The following PCDH18 variants were observed in gnomAD, a reference collection of about 807,000 sequenced individuals.
PCDH18 encodes protocadherin 18.
PCDH18 carries 38 observed loss-of-function variants against 71.5 expected under a neutral mutation model. The ratio of observed to expected loss-of-function variants is 0.53; its 90% CI spans 0.41 to 0.70. The LOEUF (loss-of-function observed/expected upper bound fraction) is 0.70. PCDH18 is among the 30% of genes least tolerant of loss of function. PCDH18 has a pLI of 0.00. For missense variants in PCDH18, 1,334 were observed against 1,384.6 expected (o/e 0.96, Z 0.58); for synonymous variants, 565 against 505.4 (o/e 1.12, Z -1.58).
rs11541660 is a variant in PCDH18, at chr4:137,521,111, T to A, written c.3326A>T (p.Asn1109Ile). 1 of 1,614,026 alleles carries A rather than the reference T, an allele frequency of 6.2e-7. No individual in the cohort carries two copies. The highest frequency in any genetic ancestry group is 8.5e-7 in the Non-Finnish European group (1 of 1,179,878). The change falls in exon 4 of 4, where the codon AAT becomes ATT. Residue 1109 changes from asparagine (N) to isoleucine (I), a missense_variant. Asn to Ile is a moderately radical substitution (Grantham distance 149). Coordinates refer to ENST00000344876, the MANE Select transcript of PCDH18 (RefSeq NM_019035.5). ...DDFDNVLNHL[N>I]DGKHELMDAS... ...ATCCATGAGTTCGTGTTTCCCATCA[T>A]TGAGGTGGTTGAGCACATTGTCAAA...
intron 1 of PCDH18, 50 bp from the exon 2 acceptor site, chr4:137,528,870 C>G: frequency 8.2e-7 from 1 of 1,226,548 alleles, no homozygotes; most frequent in Non-Finnish European, 1.2e-6. Context: ...CCTCCAAACA[C>G]TCACAATCTT....
At chr4:137,522,533 T>C (rs1319148846) in intron 3 of PCDH18, among the ~76,000 whole-genome samples, 1 of 152,026 alleles carries the variant, frequency 6.6e-6, no homozygotes, top group African/African-American at 2.4e-5. Flanking sequence ...GACAAGGAAA[T>C]GAAAAGATGT....
rs1731632508 is a variant in PCDH18 at position 137,530,339 on chromosome 4, T to A, written c.1750A>T (p.Asn584Tyr). Residue 584 changes from asparagine (N) to tyrosine (Y), a missense_variant, in exon 1 of 4, where the codon AAT becomes TAT. Coordinates refer to ENST00000344876, the MANE Select transcript of PCDH18 (RefSeq NM_019035.5). ...PVVIGPALRNNTAEITIPKGA... is the reference protein window; with the variant it reads ...PVVIGPALRNYTAEITIPKGA... ...TTGGGAATGGTGATTTCTGCCGTAT[T>A]ATTACGCAATGCAGGCCCTATAACC... 6.2e-7 allele frequency: 1 copy of A among 1,613,436 alleles called. No homozygotes were observed. The highest frequency in any genetic ancestry group is 8.5e-7 in the Non-Finnish European group (1 of 1,179,586).
In PCDH18 at chr4:137,531,551, C is replaced by G. The variant is rs938682166; in HGVS notation, c.538G>C (p.Asp180His). The G allele has an allele frequency of 2.5e-6, 4 of 1,613,068 alleles. No individual in the cohort carries two copies. The highest frequency in any genetic ancestry group is 2.7e-5 in the African/African-American group (2 of 74,906). ...SLHTYSLSAN[D>H]FFNIEVRTRT... ...GTCCGAACCTCGATATTAAAAAAAT[C>G]ATTGGCAGAGAGCGAGTATGTGTGG... Residue 180 changes from aspartate (D) to histidine (H), a missense_variant, in exon 1 of 4, where the codon GAT (aspartate) becomes CAT (histidine). Asp to His is a moderately conservative substitution (Grantham distance 81). Transcript: ENST00000344876.
Position 137,531,616 on chromosome 4 carries a change from A to G in PCDH18, c.473T>C (p.Leu158Pro). Residue 158 changes from leucine (L) to proline (P), a missense_variant, in exon 1 of 4, where the codon CTG becomes CCG. Transcript: ENST00000344876. The part of the protein sequence containing the change: ...ESAAVGTRIP[L>P]DSAFDPDVGE... ...AACATCTGGATCAAATGCACTGTCC[A>G]GGGGAATGCGAGTCCCAACTGCTGC... is the stretch of plus-strand genomic sequence containing the variant. 4 of 1,613,962 alleles carry G rather than the reference A, an allele frequency of 2.5e-6. No individual in the cohort carries two copies. The highest frequency in any genetic ancestry group is 3.4e-6 in the Non-Finnish European group (4 of 1,179,864).
chr4:137,531,900 A>C lies in PCDH18; in HGVS notation c.189T>G (p.Thr63=). 1.2e-6 allele frequency: 2 copies of C among 1,614,096 alleles called. No homozygotes were observed. The highest frequency in any genetic ancestry group is 1.7e-6 in the Non-Finnish European group (2 of 1,179,980). The part of the protein sequence containing the change: ...DVLLKLPNPS[T]VRFRAMQRGN... ...CCCTCTGCATGGCTCGAAATCGAAC[A>C]GTAGAAGGATTAGGAAGCTTCAATA... The change falls in exon 1 of 4, where the codon ACT becomes ACG. Residue 63 remains threonine (T), a synonymous_variant. Transcript: ENST00000344876.
In PCDH18 at chr4:137,531,360, G is replaced by A. The variant is rs1305135890; in HGVS notation, c.729C>T (p.Ser243=). The change falls in exon 1 of 4, where the codon AGC becomes AGT. Residue 243 remains serine (S), a synonymous_variant. Transcript: ENST00000344876. ...KISISDSNDN[S]PAFEQQSYII... ...TATAAGATTGCTGCTCAAAAGCAGG[G>A]CTGTTGTCATTGGAGTCTGAAATGC... 1 of 1,613,726 alleles carries A rather than the reference G, an allele frequency of 6.2e-7. No individual in the cohort carries two copies. Among genetic ancestry groups the A allele is most frequent in the East Asian group, 2.2e-5 (1 of 44,850 alleles).
Position 137,530,255 on chromosome 4 carries a change from C to T in PCDH18, c.1834G>A (p.Val612Met). Residue 612 changes from valine to methionine, a missense_variant, in exon 1 of 4, where the codon GTG (valine) becomes ATG (methionine). Val to Met is a conservative substitution (Grantham distance 21). This residue lies in a region of PCDH18 where 1,011 missense variants were observed against 1,048.0 expected (regional missense o/e 0.96). Coordinates refer to ENST00000344876, the MANE Select transcript of PCDH18 (RefSeq NM_019035.5). ...RIRAIDRDSG[V>M]NAELSCAIVA... ...ATGGCGCAGCTGAGTTCAGCATTCA[C>T]ACCAGAGTCTCTGTCAATTGCCCTT... 1 of 1,614,136 alleles carries T rather than the reference C, an allele frequency of 6.2e-7. No individual in the cohort carries two copies. Among genetic ancestry groups the T allele is most frequent in the Non-Finnish European group, 8.5e-7 (1 of 1,180,022 alleles).
rs767603961 is a variant in PCDH18 at position 137,521,329 on chromosome 4, C to G, written c.3108G>C (p.Glu1036Asp). The G allele has an allele frequency of 1.7e-5, 28 of 1,614,038 alleles. No individual in the cohort carries two copies. The highest frequency in any genetic ancestry group is 2.4e-5 in the Non-Finnish European group (28 of 1,180,030). ...TGGCTGGCAAGGGTCCCTTCCTGCG[C>G]TCCAGGGAGTTGGACCGATCCACCT... ...CSEVDRSNSL[E>D]RRKGPLPAKT... The change falls in exon 4 of 4, where the codon GAG becomes GAC. Residue 1036 changes from glutamate (E) to aspartate (D), a missense_variant. Physicochemically the swap from Glu to Asp is conservative, Grantham distance 45. Around this residue, in one of 3 missense-constraint regions of PCDH18, gnomAD observed 319 missense variants for 316.3 expected, o/e 1.01. Transcript: ENST00000344876.
rs1283286229 is a variant in PCDH18, at chr4:137,531,957, A to C, written c.132T>G (p.Ile44Met). The change falls in exon 1 of 4, where the codon ATT (isoleucine) becomes ATG (methionine). Residue 44 changes from isoleucine (I) to methionine (M), a missense_variant. Physicochemically the swap from Ile to Met is conservative, Grantham distance 10. This residue lies in a region of PCDH18 where 1,011 missense variants were observed against 1,048.0 expected (regional missense o/e 0.96). Coordinates refer to ENST00000344876, the MANE Select transcript of PCDH18 (RefSeq NM_019035.5). ...CAGCCACATCCTCTGATAGTCTTGC[A>C]ATTACTGATCCAACCCTCTGTTCCT... ...IYEEQRVGSVIARLSEDVADV... is the reference protein window; with the variant it reads ...IYEEQRVGSVMARLSEDVADV... The C allele has an allele frequency of 6.2e-7, 1 of 1,614,068 alleles. No homozygotes were observed. Among genetic ancestry groups the C allele is most frequent in the Admixed American group, 1.7e-5 (1 of 60,010 alleles).
chr4:137,528,460 C>T lies in PCDH18; in HGVS notation c.2740+18G>A, dbSNP rs2149214691. 3 of 1,605,836 alleles carry T rather than the reference C, an allele frequency of 1.9e-6. No homozygotes were observed. The highest frequency in any genetic ancestry group is 1.1e-5 in the South Asian group (1 of 89,886). ...CGGTAGACCTGAAAATAAAGATTTT[C>T]TATCACTACCCTCTTACCTGCTGGA... On this transcript the variant is annotated intron_variant, in intron 3 of 3. Transcript: ENST00000344876.
Position 137,530,556 on chromosome 4 carries a change from T to G in PCDH18, c.1533A>C (p.Gly511=). The change falls in exon 1 of 4, where the codon GGA becomes GGC. Residue 511 remains glycine (G), a synonymous_variant. Coordinates refer to ENST00000344876, the MANE Select transcript of PCDH18 (RefSeq NM_019035.5). Reference sequence around the variant, plus strand: ...TGGTTACATATGTAGTTATGGAACTTCCTAGAATAAAACTCTCCAAGATGG... The same window carrying G: ...TGGTTACATATGTAGTTATGGAACTGCCTAGAATAAAACTCTCCAAGATGG... ...TYTILESFIL[G]SSITTYVTID... is the part of the protein sequence containing the mutation. The G allele has an allele frequency of 6.2e-7, 1 of 1,614,066 alleles. No homozygotes were observed. The highest frequency in any genetic ancestry group is 8.5e-7 in the Non-Finnish European group (1 of 1,179,942).
At chr4:137,523,859 C>T (rs1407768318) in intron 3 of PCDH18, among the ~76,000 whole-genome samples, 1 of 151,960 alleles carries the variant, frequency 6.6e-6, no homozygotes, top group Non-Finnish European at 1.5e-5. Context: ...ATAAGTGAAG[C>T]TTTAATTATA....
At position 137,519,316 on chromosome 4, in the gene PCDH18, C is replaced by A. The variant is rs112901634; in HGVS notation, c.*1713G>T. ...CAATTCCTGACTAGCAAGCCAGGGACGATAATATTCTTGCCTCCTGGAAAC... is the reference window on the plus strand; with the variant it reads ...CAATTCCTGACTAGCAAGCCAGGGAAGATAATATTCTTGCCTCCTGGAAAC... On this transcript the variant is annotated 3_prime_UTR_variant, in exon 4 of 4. Coordinates refer to ENST00000344876, the MANE Select transcript of PCDH18 (RefSeq NM_019035.5). 1 of 152,120 alleles carries A rather than the reference C, an allele frequency of 6.6e-6. No homozygotes were observed. Among genetic ancestry groups the A allele is most frequent in the Non-Finnish European group, 1.5e-5 (1 of 68,016 alleles). 9.4% of individuals were successfully genotyped at this position (152,120 alleles called of 1,614,324 possible). A position where few individuals can be genotyped will look rare whatever the true frequency, so the allele number is the denominator to read the frequency against.
At chr4:137,523,584 C>T (rs1461168603) in intron 3 of PCDH18, among the ~76,000 whole-genome samples, 1 of 151,924 alleles carries the variant, frequency 6.6e-6, no homozygotes, top group Non-Finnish European at 1.5e-5. Flanking sequence ...TCATTTAACT[C>T]TGTAGTTTTA....
At position 137,530,683 on chromosome 4, in the gene PCDH18, C is replaced by T. The variant is rs777379654; in HGVS notation, c.1406G>A (p.Arg469Gln). The T allele has an allele frequency of 4.3e-6, 7 of 1,612,608 alleles. No individual in the cohort carries two copies. The highest frequency in any genetic ancestry group is 1.3e-5 in the African/African-American group (1 of 74,834). Reference sequence around the variant, plus strand: ...ATTTTCTGAAATTACAAATTCATATCGGCTTCTCTGGAAGTGGGGTGGATT... The same window carrying T: ...ATTTTCTGAAATTACAAATTCATATTGGCTTCTCTGGAAGTGGGGTGGATT... ...NDNPPHFQRSRYEFVISENNS... is the reference protein window; with the variant it reads ...NDNPPHFQRSQYEFVISENNS... The change falls in exon 1 of 4, where the codon CGA (arginine) becomes CAA (glutamine). Residue 469 changes from arginine (R) to glutamine (Q), a missense_variant. Physicochemically the swap from Arg to Gln is conservative, Grantham distance 43. Coordinates refer to ENST00000344876, the MANE Select transcript of PCDH18 (RefSeq NM_019035.5).
Position 137,520,750 on chromosome 4 carries a change from G to A in PCDH18, c.*279C>T, listed in dbSNP as rs908243960. ...TTTGAACAGTGGCTAGTTTCTACAC[G>A]ACTAGGAAAAACATGTCTGTCATGG... On this transcript the variant is annotated 3_prime_UTR_variant, in exon 4 of 4. Transcript: ENST00000344876. 48 of 293,692 alleles carry A rather than the reference G, an allele frequency of 1.6e-4. No individual in the cohort carries two copies. Among genetic ancestry groups the A allele is most frequent in the African/African-American group, 7.6e-4 (35 of 45,872 alleles). 18.2% of individuals were successfully genotyped at this position (293,692 alleles called of 1,614,324 possible). A position where few individuals can be genotyped will look rare whatever the true frequency, so the allele number is the denominator to read the frequency against.
At position 137,530,842 on chromosome 4, in the gene PCDH18, A is replaced by G. The variant is rs767733600; in HGVS notation, c.1247T>C (p.Leu416Ser). ...KLQKTYENNY[L>S]ILTNATLDRE... is the part of the protein sequence containing the mutation. ...ATCCAGTGTGGCATTAGTTAAGATTAAATAATTGTTTTCATATGTCTTCTG... is the reference window on the plus strand; with the variant it reads ...ATCCAGTGTGGCATTAGTTAAGATTGAATAATTGTTTTCATATGTCTTCTG... Residue 416 changes from leucine (L) to serine (S), a missense_variant, in exon 1 of 4, where the codon TTA (leucine) becomes TCA (serine). By Grantham distance (145) the Leu-to-Ser change is moderately radical. Coordinates refer to ENST00000344876, the MANE Select transcript of PCDH18 (RefSeq NM_019035.5). 2 of 1,609,586 alleles carry G rather than the reference A, an allele frequency of 1.2e-6. No homozygotes were observed. The highest frequency in any genetic ancestry group is 2.2e-5 in the South Asian group (2 of 90,802).
intron 3 of PCDH18, among the ~76,000 whole-genome samples, chr4:137,524,317 A>G (rs1237427897): frequency 6.6e-6 from 1 of 152,146 alleles, no homozygotes; most frequent in East Asian, 1.9e-4. Flanking sequence ...GCTTCTGTCA[A>G]GTCATCAGGT....
Sources: allele counts gnomAD v4.1 joint callset (sites outside exome capture counted in the v4.1 genomes callset), GRCh38; gene constraint gnomAD v4.1.1; regional missense constraint gnomAD v4.1.1; transcripts MANE v1.5; gene names NCBI Gene and HGNC (gene_info 2026-07-23, HGNC 2026-07-21).